GALNTL6: variants seen among roughly 807,000 people sequenced by gnomAD.
GALNTL6 encodes the protein polypeptide N-acetylgalactosaminyltransferase like 6.
A neutral mutation model predicts 73.7 loss-of-function variants in GALNTL6; 46 were observed. That is an observed-to-expected ratio of 0.62 (90% CI 0.49 to 0.80). The LOEUF (loss-of-function observed/expected upper bound fraction) is 0.80, where lower values mean the gene tolerates loss of function less well. GALNTL6 is among the 30% of genes least tolerant of loss of function. GALNTL6 has a pLI of 0.00. For missense variants in GALNTL6, 604 were observed against 755.0 expected (o/e 0.80, Z 2.34); for synonymous variants, 259 against 263.7 (o/e 0.98, Z 0.17).
At chr4:172,834,342 C>T (rs987109670) in intron 7 of GALNTL6, among the ~76,000 whole-genome samples, 3 of 152,116 alleles carry the variant, frequency 2.0e-5, no homozygotes, top group African/African-American at 7.2e-5. Context: ...AGGTGTCTGC[C>T]CTATATGTGG....
chr4:171,906,866 G>A (rs1460698136), intron 2 of GALNTL6, among the ~76,000 whole-genome samples: 1 of 152,122 alleles, frequency 6.6e-6, no homozygotes, highest in Admixed American at 6.6e-5. Flanking sequence ...ATGTAATCCA[G>A]CATATAAACA....
chr4:172,356,450 T>TC (rs1377582978), intron 5 of GALNTL6, among the ~76,000 whole-genome samples: 3 of 152,206 alleles, frequency 2.0e-5, no homozygotes, highest in Non-Finnish European at 2.9e-5. Flanking sequence ...AATCATTGCA[T>TC]CTACACAATG....
chr4:173,022,189 G>GGAAGGAAGGA (rs1753041510), intron 12 of GALNTL6, among the ~76,000 whole-genome samples: 1 of 134,258 alleles, frequency 7.4e-6, no homozygotes. Flanking sequence ...GGGAGGGAGG[G>GGAAGGAAGGA]AGGAAGGAAG....
intron 4 of GALNTL6, among the ~76,000 whole-genome samples, chr4:172,316,965 GTAACC>G (rs956391870): frequency 8.5e-5 from 13 of 152,178 alleles, no homozygotes; most frequent in Non-Finnish European, 1.0e-4. Flanking sequence ...AGTAAGCTTT[GTAACC>G]CAAACCCACG....
intron 6 of GALNTL6, among the ~76,000 whole-genome samples, chr4:172,811,723 G>C (rs889004320): frequency 6.6e-6 from 1 of 152,140 alleles, no homozygotes; most frequent in Non-Finnish European, 1.5e-5. Flanking sequence ...CTAGCTCTCT[G>C]TGGCTTACCA....
At chr4:171,923,209 G>A (rs558933770) in intron 2 of GALNTL6, among the ~76,000 whole-genome samples, 4 of 152,042 alleles carry the variant, frequency 2.6e-5, no homozygotes, top group Non-Finnish European at 5.9e-5. Context: ...TCAATTTATG[G>A]AGAGTTCTTC....
chr4:172,286,853 G>T (rs1739275081), intron 3 of GALNTL6, among the ~76,000 whole-genome samples: 1 of 152,262 alleles, frequency 6.6e-6, no homozygotes, highest in East Asian at 1.9e-4. Context: ...AATTCCAGTG[G>T]TATGTTCAGT....
At chr4:172,328,438 T>C (rs934633203) in intron 4 of GALNTL6, among the ~76,000 whole-genome samples, 5 of 152,320 alleles carry the variant, frequency 3.3e-5, no homozygotes, top group Admixed American at 2.6e-4. Context: ...TTGGCTCCTC[T>C]AGTAAGATTC....
chr4:172,090,299 T>A (rs1167268492), intron 2 of GALNTL6, among the ~76,000 whole-genome samples: 2 of 152,228 alleles, frequency 1.3e-5, no homozygotes, highest in Non-Finnish European at 2.9e-5. Context: ...ATGGTTGAAC[T>A]AATTTACACT....
chr4:172,375,516 C>T (rs868360842), intron 5 of GALNTL6, among the ~76,000 whole-genome samples: 31 of 152,106 alleles, frequency 2.0e-4, no homozygotes, highest in Non-Finnish European at 2.9e-5. Context: ...TACCCTTGCC[C>T]AAGAACCCAC....
intron 2 of GALNTL6, among the ~76,000 whole-genome samples, chr4:171,835,312 G>A (rs1167533776): frequency 6.6e-6 from 1 of 151,922 alleles, no homozygotes; most frequent in Admixed American, 6.6e-5. Flanking sequence ...GTATGTATAT[G>A]TGTCTCCGTG....
rs192529656 is a variant in GALNTL6, at chr4:172,710,867, C to T, written c.554-98494C>T. Among the ~76,000 whole-genome samples the T allele has an allele frequency of 1.7e-3, 261 of 152,132 alleles. 1 individual carries two copies. The highest frequency in any genetic ancestry group is 6.1e-3 in the African/African-American group (255 of 41,500). ...AAAAGCCCATATTTAGCAGTACAAC[C>T]TTAGTTATGTTAAATATTTATTCAA... is the stretch of plus-strand genomic sequence containing the variant. On this transcript the variant is annotated intron_variant, in intron 5 of 12. Coordinates refer to ENST00000506823, the MANE Select transcript of GALNTL6 (RefSeq NM_001034845.3).
At chr4:172,538,590 A>G (rs943836897) in intron 5 of GALNTL6, among the ~76,000 whole-genome samples, 12 of 152,244 alleles carry the variant, frequency 7.9e-5, no homozygotes, top group African/African-American at 2.7e-4. Context: ...AATGTAATTT[A>G]GAAATATCAG....
At chr4:172,711,174 C>T (rs1946797) in intron 5 of GALNTL6, among the ~76,000 whole-genome samples, 127,010 of 152,198 alleles carry the variant, frequency 0.83, 53,354 homozygotes, top group Middle Eastern at 0.93. Context: ...CAAAAATCAC[C>T]TACGTGACAC....
At chr4:171,870,132 T>C (rs1457494478) in intron 2 of GALNTL6, among the ~76,000 whole-genome samples, 1 of 152,230 alleles carries the variant, frequency 6.6e-6, no homozygotes, top group Non-Finnish European at 1.5e-5. Context: ...TCTTCTTCAC[T>C]GGAAGATGAG....
intron 2 of GALNTL6, among the ~76,000 whole-genome samples, chr4:172,141,880 CAA>C (rs1553996257): frequency 0.036 from 4,261 of 118,880 alleles, 119 homozygotes; most frequent in African/African-American, 0.087. Flanking sequence ...AGAACACACA[CAA>C]ACACACACAC....
At chr4:172,318,743 A>AC (rs1740656242) in intron 4 of GALNTL6, among the ~76,000 whole-genome samples, 2 of 150,590 alleles carry the variant, frequency 1.3e-5, no homozygotes, top group South Asian at 4.2e-4. Context: ...AAAAACAACA[A>AC]AAAAAGAAAG....
chr4:171,825,065 T>C (rs144006681), intron 2 of GALNTL6, among the ~76,000 whole-genome samples: 360 of 152,326 alleles, frequency 2.4e-3, no homozygotes, highest in African/African-American at 8.3e-3. Flanking sequence ...TTTCTGAACA[T>C]GTATTCTGCC....
chr4:172,981,417 T>A (rs1442614196), intron 10 of GALNTL6, among the ~76,000 whole-genome samples: 1 of 152,200 alleles, frequency 6.6e-6, no homozygotes, highest in Non-Finnish European at 1.5e-5. Flanking sequence ...GAATGTGAAG[T>A]GATATGTCAC....
Sources: gnomAD v4.1 joint callset for allele counts (sites outside exome capture counted in the v4.1 genomes callset) on GRCh38, gnomAD v4.1.1 for gene constraint, MANE v1.5 for transcripts, NCBI Gene and HGNC (gene_info 2026-07-23, HGNC 2026-07-21) for gene names.